Variants in LRRFIP2 observed in about 807,000 individuals in gnomAD.
LRRFIP2 encodes leucine-rich repeat flightless-interacting protein 2.
Under a neutral mutation model 125.9 loss-of-function variants are expected in LRRFIP2, and 109 were observed. That is an observed-to-expected ratio of 0.87 (90% confidence interval 0.74 to 1.01). LRRFIP2 has a LOEUF of 1.01. Ranked by LOEUF, LRRFIP2 falls within the 50% of genes least tolerant of loss-of-function variation. The pLI, the probability that LRRFIP2 is intolerant of heterozygous loss-of-function variation, is 0.00. For missense variants in LRRFIP2, 850 were observed against 862.3 expected, an observed-to-expected ratio of 0.99 and a Z score of 0.18; for synonymous variants, 291 against 293.1, an observed-to-expected ratio of 0.99 and a Z score of 0.07.
intron 6 of LRRFIP2, among the ~76,000 whole-genome samples, chr3:37,120,600 G>C (rs907109185): frequency 6.6e-6 from 1 of 151,642 alleles, no homozygotes; most frequent in Non-Finnish European, 1.5e-5. Flanking sequence ...GTATGCCAGA[G>C]CACACTCAGT....
chr3:37,156,989 C>T (rs1401863057), intron 1 of LRRFIP2, among the ~76,000 whole-genome samples: 1 of 151,552 alleles, frequency 6.6e-6, no homozygotes, highest in Admixed American at 6.6e-5. Flanking sequence ...ATTAGCTGGG[C>T]GTGGTGGCAC....
intron 2 of LRRFIP2, among the ~76,000 whole-genome samples, chr3:37,130,559 G>T (rs1455879927): frequency 6.6e-6 from 1 of 152,074 alleles, no homozygotes; most frequent in Non-Finnish European, 1.5e-5. Flanking sequence ...GTTAACCAAG[G>T]TACAAAAATA....
chr3:37,108,698 G>C lies in LRRFIP2; in HGVS notation c.610-14C>G. The C allele has an allele frequency of 6.3e-7, 1 of 1,599,994 alleles. No individual in the cohort carries two copies. Among genetic ancestry groups the C allele is most frequent in the Non-Finnish European group, 8.6e-7 (1 of 1,168,050 alleles). On this transcript the variant is annotated splice_polypyrimidine_tract_variant and intron_variant, in intron 11 of 27. Coordinates refer to ENST00000336686, the MANE Select transcript of LRRFIP2 (RefSeq NM_006309.4). Reference sequence around the variant, plus strand: ...GTACAATGATGCCTAAGGAACAAAGGAAATATCACTTAGCTATTTAGCTTC... The same window carrying C: ...GTACAATGATGCCTAAGGAACAAAGCAAATATCACTTAGCTATTTAGCTTC...
intron 1 of LRRFIP2, among the ~76,000 whole-genome samples, chr3:37,165,031 C>T (rs577958209): frequency 5.9e-5 from 9 of 151,666 alleles, no homozygotes; most frequent in African/African-American, 2.2e-4. Flanking sequence ...GTCGGGAGAT[C>T]GAGACCATCC....
chr3:37,059,196 T>C (rs891225853), intron 24 of LRRFIP2, among the ~76,000 whole-genome samples: 2 of 152,106 alleles, frequency 1.3e-5, no homozygotes, highest in Non-Finnish European at 2.9e-5. Flanking sequence ...CTTTGGGGTA[T>C]TTTTTGTTAC....
At chr3:37,149,713 TG>T (rs1350950493) in intron 1 of LRRFIP2, among the ~76,000 whole-genome samples, 1 of 152,102 alleles carries the variant, frequency 6.6e-6, no homozygotes, top group African/African-American at 2.4e-5. Flanking sequence ...AATTAAACCA[TG>T]ACAACGTCAG....
chr3:37,112,870 T>G, intron 8 of LRRFIP2, 45 bp downstream of exon 8: 1 of 1,140,054 alleles, frequency 8.8e-7, no homozygotes, highest in South Asian at 1.5e-5. Context: ...CTTAAGTTCC[T>G]AACAGTACTT....
chr3:37,071,622 A>G (rs1245368529), intron 21 of LRRFIP2, among the ~76,000 whole-genome samples: 1 of 152,128 alleles, frequency 6.6e-6, no homozygotes, highest in African/African-American at 2.4e-5. Flanking sequence ...TCCTAACAAC[A>G]TTCTGAGGGT....
chr3:37,102,822 C>T, intron 15 of LRRFIP2, 102 bp downstream of exon 15: 1 of 806,570 alleles, frequency 1.2e-6, no homozygotes, highest in Non-Finnish European at 1.9e-6. Context: ...TTTCTTAAGA[C>T]AATAAATCAA....
At chr3:37,081,565 T>TAA (rs11408667) in intron 19 of LRRFIP2, among the ~76,000 whole-genome samples, 1 of 151,366 alleles carries the variant, frequency 6.6e-6, no homozygotes, top group Non-Finnish European at 1.5e-5. Context: ...TCCAGGGTAT[T>TAA]AAAAAAAACA....
At chr3:37,111,260 C>T (rs1242437755) in intron 8 of LRRFIP2, among the ~76,000 whole-genome samples, 195 bp from the exon 9 acceptor site, 2 of 152,082 alleles carry the variant, frequency 1.3e-5, no homozygotes, top group African/African-American at 4.8e-5. Context: ...AAAGACATTA[C>T]TAAATTTTTA....
At chr3:37,165,829 G>GA (rs1440746390) in intron 1 of LRRFIP2, among the ~76,000 whole-genome samples, 1 of 144,238 alleles carries the variant, frequency 6.9e-6, no homozygotes, top group African/African-American at 2.6e-5. Context: ...AAGAAAGAAA[G>GA]AAAGAAAGAA....
intron 1 of LRRFIP2, among the ~76,000 whole-genome samples, chr3:37,157,299 C>G (rs1334593980): frequency 6.6e-6 from 1 of 152,038 alleles, no homozygotes; most frequent in Non-Finnish European, 1.5e-5. Flanking sequence ...AAAAATTAAC[C>G]AGGCATGGTG....
At chr3:37,108,417 A>G (rs1170914551) in intron 12 of LRRFIP2, among the ~76,000 whole-genome samples, 1 of 152,224 alleles carries the variant, frequency 6.6e-6, no homozygotes, top group Non-Finnish European at 1.5e-5. Context: ...AATACTTGAA[A>G]TCATGATTTC....
chr3:37,080,055 T>C (rs143719744), intron 19 of LRRFIP2, among the ~76,000 whole-genome samples: 1 of 152,312 alleles, frequency 6.6e-6, no homozygotes, highest in African/African-American at 2.4e-5. Flanking sequence ...ACACTTTAAA[T>C]GGATGATTTG....
At chr3:37,068,068 G>A (rs1454445757) in intron 21 of LRRFIP2, 1 of 152,198 alleles carries the variant, frequency 6.6e-6, no homozygotes, top group Admixed American at 6.5e-5. Context: ...AAGTCTGCCT[G>A]TGAATTAACA....
At chr3:37,097,952 G>A (rs2093807549) in intron 15 of LRRFIP2, among the ~76,000 whole-genome samples, 1 of 152,120 alleles carries the variant, frequency 6.6e-6, no homozygotes, top group Admixed American at 6.6e-5. Context: ...AAACCTTCTA[G>A]ACCCAATCTA....
intron 4 of LRRFIP2, among the ~76,000 whole-genome samples, chr3:37,125,165 G>C (rs528040387): frequency 5.2e-4 from 79 of 152,244 alleles, no homozygotes; most frequent in African/African-American, 1.7e-3. Context: ...TCTATTAAAA[G>C]AAAACCACAG....
At chr3:37,172,421 C>G (rs575628033) in intron 1 of LRRFIP2, among the ~76,000 whole-genome samples, 41 of 152,192 alleles carry the variant, frequency 2.7e-4, no homozygotes, top group South Asian at 1.2e-3. Flanking sequence ...ATGAAAGATA[C>G]AATATATTTC....
Sources: gnomAD v4.1 joint callset for allele counts (sites outside exome capture counted in the v4.1 genomes callset) on GRCh38, gnomAD v4.1.1 for gene constraint, MANE v1.5 for transcripts, NCBI Gene and HGNC (gene_info 2026-07-23, HGNC 2026-07-21) for gene names.